PCSK5: variants seen among roughly 807,000 people sequenced by gnomAD.
The protein encoded by PCSK5 is proprotein convertase subtilisin/kexin type 5.
Under a neutral mutation model 233.2 loss-of-function variants are expected in PCSK5, and 129 were observed. The ratio of observed to expected loss-of-function variants is 0.55; its 90% CI spans 0.48 to 0.64. The LOEUF (loss-of-function observed/expected upper bound fraction) is 0.64. Among genes scored for constraint, PCSK5 ranks in the 30% least tolerant of loss-of-function variants. The probability of loss-of-function intolerance (pLI) is 0.00; values close to 1 mark genes in which losing one functional copy is unlikely to be tolerated. For synonymous variants in PCSK5, 825 were observed against 879.2 expected (o/e 0.94, Z 1.09); for missense variants, 2,076 against 2,430.1 (o/e 0.85, Z 3.06).
chr9:76,135,468 G>A (rs1822931703), intron 10 of PCSK5, among the ~76,000 whole-genome samples: 1 of 151,992 alleles, frequency 6.6e-6, no homozygotes, highest in Admixed American at 6.6e-5. Context: ...ACCTTTCCAT[G>A]CATGTAAACT....
intron 1 of PCSK5, among the ~76,000 whole-genome samples, chr9:75,908,437 T>A (rs1822505066): frequency 6.6e-6 from 1 of 152,228 alleles, no homozygotes; most frequent in African/African-American, 2.4e-5. Flanking sequence ...CCTTTGTCAC[T>A]CTTATGTGGA....
chr9:75,987,175 TCC>T (rs1826552617), intron 3 of PCSK5, among the ~76,000 whole-genome samples: 1 of 152,164 alleles, frequency 6.6e-6, no homozygotes, highest in Non-Finnish European at 1.5e-5. Flanking sequence ...GCTCCCTGCC[TCC>T]CATTCCTTCT....
At chr9:76,290,420 G>A (rs1485119968) in intron 24 of PCSK5, among the ~76,000 whole-genome samples, 6 of 152,236 alleles carry the variant, frequency 3.9e-5, no homozygotes, top group South Asian at 2.1e-4. Context: ...CTTAGTCACC[G>A]TATTACAAAC....
At chr9:75,915,131 T>C (rs62555866) in intron 1 of PCSK5, among the ~76,000 whole-genome samples, 1 of 152,154 alleles carries the variant, frequency 6.6e-6, no homozygotes, top group Admixed American at 6.5e-5. Context: ...GAGGCATGCA[T>C]AGTGATGACT....
At chr9:76,142,074 C>G (rs989423187) in intron 10 of PCSK5, among the ~76,000 whole-genome samples, 2 of 151,768 alleles carry the variant, frequency 1.3e-5, no homozygotes, top group African/African-American at 4.8e-5. Flanking sequence ...CAACACAGCC[C>G]CATGACATGA....
In PCSK5 at chr9:76,332,634, C is replaced by T. The variant is rs900057776; in HGVS notation, c.4748+24C>T. 4.0e-6 allele frequency: 6 copies of T among 1,508,080 alleles called. No individual in the cohort carries two copies. The Admixed American group carries it at 8.2e-5, about 21-fold the overall frequency. The allele number at this position is 1,508,080 out of a possible 1,614,324, so 93.4% of individuals were successfully genotyped here. A position where few individuals can be genotyped will look rare whatever the true frequency, so the allele number is the denominator to read the frequency against. On this transcript the variant is annotated intron_variant, in intron 34 of 37. Transcript: ENST00000674117. Reference sequence around the variant, plus strand: ...GGGTAAGTGCTCAATACATTTTCCCCCATGTAATTTCACAGCCACAGCAGA... The same window carrying T: ...GGGTAAGTGCTCAATACATTTTCCCTCATGTAATTTCACAGCCACAGCAGA...
At chr9:76,213,520 T>C (rs1238052074) in intron 20 of PCSK5, among the ~76,000 whole-genome samples, 1 of 152,102 alleles carries the variant, frequency 6.6e-6, no homozygotes, top group African/African-American at 2.4e-5. Flanking sequence ...ATTTTGGTTG[T>C]AGTGGTTCCA....
At chr9:76,342,997 T>C (rs781412306) in intron 35 of PCSK5, among the ~76,000 whole-genome samples, 8 of 152,134 alleles carry the variant, frequency 5.3e-5, no homozygotes, top group Non-Finnish European at 1.2e-4. Flanking sequence ...CATCATTCAT[T>C]GTCTGAATTG....
intron 8 of PCSK5, 76 bp downstream of exon 8, chr9:76,096,178 CATAT>C (rs747144896): frequency 8.6e-6 from 6 of 700,594 alleles, no homozygotes; most frequent in African/African-American, 3.8e-5. Flanking sequence ...GAACCATAAA[CATAT>C]ATATATATAC....
chr9:76,003,623 C>T (rs972884451), intron 3 of PCSK5, among the ~76,000 whole-genome samples: 1 of 152,182 alleles, frequency 6.6e-6, no homozygotes, highest in Non-Finnish European at 1.5e-5. Flanking sequence ...TTGCAGAATG[C>T]ATCTCCTAAG....
At chr9:75,959,444 C>G (rs936800512) in intron 2 of PCSK5, among the ~76,000 whole-genome samples, 2 of 152,130 alleles carry the variant, frequency 1.3e-5, no homozygotes, top group African/African-American at 4.8e-5. Flanking sequence ...TGGGCTCCAC[C>G]TTGCATGGGT....
At chr9:76,099,903 CT>C (rs984864260) in intron 8 of PCSK5, among the ~76,000 whole-genome samples, 1 of 152,130 alleles carries the variant, frequency 6.6e-6, no homozygotes, top group African/African-American at 2.4e-5. Flanking sequence ...CATAGAGCAC[CT>C]TTGTGATTTG....
intron 24 of PCSK5, among the ~76,000 whole-genome samples, chr9:76,289,042 A>C (rs1295325060): frequency 2.0e-5 from 3 of 152,198 alleles, no homozygotes; most frequent in Non-Finnish European, 4.4e-5. Flanking sequence ...GATGAGTGAC[A>C]GTACAGATGA....
At position 76,227,517 on chromosome 9, in the gene PCSK5, G is replaced by A; in HGVS notation, c.2641G>A (p.Glu881Lys). 6.2e-7 allele frequency: 1 copy of A among 1,611,030 alleles called. No individual in the cohort carries two copies. The highest frequency in any genetic ancestry group is 8.5e-7 in the Non-Finnish European group (1 of 1,178,726). Residue 881 changes from glutamate to lysine, a missense_variant, in exon 21 of 38, where the codon GAG becomes AAG. Coordinates refer to ENST00000674117, the MANE Select transcript of PCSK5 (RefSeq NM_001372043.1). ...TTGTTCCCCAGGAGAATATGTTGATGAGCATGGCCACTGCCAGACCTGTGA... is the reference window on the plus strand; with the variant it reads ...TTGTTCCCCAGGAGAATATGTTGATAAGCATGGCCACTGCCAGACCTGTGA... ...AICKDGEYVD[E>K]HGHCQTCEAS...
At position 76,358,811 on chromosome 9, in the gene PCSK5, C is replaced by T; in HGVS notation, c.5553C>T (p.Val1851=). 3 of 1,612,882 alleles carry T rather than the reference C, an allele frequency of 1.9e-6. No individual in the cohort carries two copies. The highest frequency in any genetic ancestry group is 2.5e-6 in the Non-Finnish European group (3 of 1,179,886). The change falls in exon 38 of 38, where the codon GTC becomes GTT. Residue 1851 remains valine, a synonymous_variant. Coordinates refer to ENST00000674117, the MANE Select transcript of PCSK5 (RefSeq NM_001372043.1). Reference sequence around the variant, plus strand: ...ATGAGGATGATGATGATGACATCGTCTACATGGGCCAGGATGGCACAGTCT... The same window carrying T: ...ATGAGGATGATGATGATGACATCGTTTACATGGGCCAGGATGGCACAGTCT... ...DYDEDDDDDI[V]YMGQDGTVYR...
chr9:76,298,852 G>T (rs1828522883), intron 27 of PCSK5, among the ~76,000 whole-genome samples: 1 of 152,140 alleles, frequency 6.6e-6, no homozygotes, highest in Non-Finnish European at 1.5e-5. Flanking sequence ...TTCATTTTGG[G>T]TTTTGTTTTA....
intron 21 of PCSK5, among the ~76,000 whole-genome samples, chr9:76,230,741 C>T (rs1473076782): frequency 6.6e-6 from 1 of 152,042 alleles, no homozygotes; most frequent in Admixed American, 6.6e-5. Flanking sequence ...TTGTGCACTG[C>T]CCATGTGAGG....
rs977139042 is a variant in PCSK5 at position 76,243,962 on chromosome 9, G to A, written c.3142+3278G>A. Among the ~76,000 whole-genome samples, 6 of 152,262 alleles carry A rather than the reference G, an allele frequency of 3.9e-5. No homozygotes were observed. The East Asian group carries it at 9.7e-4, about 25-fold the overall frequency. ...ATTTTGGCCAAGTGCAATGGCTCACGCCTATAATTCCAGCACTTTGAAAGG... is the reference window on the plus strand; with the variant it reads ...ATTTTGGCCAAGTGCAATGGCTCACACCTATAATTCCAGCACTTTGAAAGG... On this transcript the variant is annotated intron_variant, in intron 24 of 37. Transcript: ENST00000674117.
intron 35 of PCSK5, among the ~76,000 whole-genome samples, chr9:76,344,350 A>T (rs116026815): frequency 0.84 from 128,183 of 151,722 alleles, 54,422 homozygotes; most frequent in South Asian, 0.9. Flanking sequence ...ACCACCCACC[A>T]TTCCCAGGAA....
Sources: gnomAD v4.1 joint callset for allele counts (sites outside exome capture counted in the v4.1 genomes callset) on GRCh38, gnomAD v4.1.1 for gene constraint, MANE v1.5 for transcripts, NCBI Gene and HGNC (gene_info 2026-07-23, HGNC 2026-07-21) for gene names.